Variants in RYR3 observed in about 807,000 individuals in gnomAD.
The protein encoded by RYR3 is ryanodine receptor 3.
RYR3 carries 207 observed loss-of-function variants against 584.3 expected under a neutral mutation model. The ratio of observed to expected loss-of-function variants is 0.35; its 90% CI spans 0.32 to 0.40. RYR3 has a LOEUF of 0.40. Among genes scored for constraint, RYR3 ranks in the 10% least tolerant of loss-of-function variants. The probability of loss-of-function intolerance (pLI) is 1.00; values close to 1 mark genes in which losing one functional copy is unlikely to be tolerated. For missense variants in RYR3, 5,616 were observed against 6,089.2 expected (o/e 0.92, Z 2.59); for synonymous variants, 2,416 against 2,248.5 (o/e 1.07, Z -2.11).
intron 2 of RYR3, among the ~76,000 whole-genome samples, chr15:33,475,328 C>CT (rs929381999): frequency 3.4e-4 from 52 of 152,276 alleles, no homozygotes; most frequent in African/African-American, 1.2e-3. Flanking sequence ...AGTTCCCAAC[C>CT]TTTTTGGCAC....
chr15:33,586,921 C>T (rs866416407), intron 16 of RYR3, among the ~76,000 whole-genome samples: 3 of 152,066 alleles, frequency 2.0e-5, no homozygotes, highest in South Asian at 4.1e-4. Flanking sequence ...AGGTGTATTT[C>T]AGAGCAGATG....
At chr15:33,468,451 A>G (rs1596275575) in intron 1 of RYR3, among the ~76,000 whole-genome samples, 2 of 152,278 alleles carry the variant, frequency 1.3e-5, no homozygotes, top group East Asian at 1.9e-4. Context: ...AATAGAAGCT[A>G]TGGACTCCAA....
intron 1 of RYR3, among the ~76,000 whole-genome samples, chr15:33,442,027 G>GTTA (rs1319096410): frequency 6.6e-6 from 1 of 152,172 alleles, no homozygotes; most frequent in African/African-American, 2.4e-5. Context: ...GCTCAGCTGG[G>GTTA]TTATAGTCCG....
At chr15:33,571,846 A>T (rs2058044717) in intron 12 of RYR3, among the ~76,000 whole-genome samples, 1 of 151,782 alleles carries the variant, frequency 6.6e-6, no homozygotes, top group South Asian at 2.1e-4. Context: ...TTTATTTCTT[A>T]TGTTTCTTTT....
intron 1 of RYR3, among the ~76,000 whole-genome samples, chr15:33,317,340 C>G (rs1968328002): frequency 6.6e-6 from 1 of 152,106 alleles, no homozygotes; most frequent in Admixed American, 6.6e-5. Flanking sequence ...TTGGCTGCAC[C>G]CGGATGAAGC....
intron 1 of RYR3, among the ~76,000 whole-genome samples, chr15:33,452,460 A>G (rs1334472375): frequency 6.6e-6 from 1 of 152,212 alleles, no homozygotes; most frequent in South Asian, 2.1e-4. Flanking sequence ...TAATATGTCT[A>G]TGAAAATCAG....
intron 1 of RYR3, among the ~76,000 whole-genome samples, chr15:33,353,294 C>G (rs1411447357): frequency 1.3e-5 from 2 of 152,126 alleles, no homozygotes; most frequent in Non-Finnish European, 2.9e-5. Context: ...GATTTGATAA[C>G]TTTTTTGCTT....
chr15:33,389,093 G>A (rs1238332717), intron 1 of RYR3, among the ~76,000 whole-genome samples: 1 of 111,196 alleles, frequency 9.0e-6, no homozygotes, highest in Non-Finnish European at 1.7e-5. Context: ...GGGGGGAGGG[G>A]GGAGGGATAG....
rs763716557 is a variant in RYR3 at position 33,821,482 on chromosome 15, T to A, written c.10916-41T>A. The A allele has an allele frequency of 1.9e-6, 3 of 1,609,564 alleles. No homozygotes were observed. In the East Asian group the frequency reaches 6.7e-5, roughly 36 times the overall value. On this transcript the variant is annotated intron_variant, in intron 79 of 103. Transcript: ENST00000634891. ...AAGGCCCAGGAGGCATGATTTACCA[T>A]CTGTTTCCTTGGTGATTCAATCGAA...
chr15:33,789,990 T>A (rs2075053452), intron 67 of RYR3, among the ~76,000 whole-genome samples: 1 of 89,726 alleles, frequency 1.1e-5, no homozygotes. Flanking sequence ...GGCCTTCTTT[T>A]TTTTTTTTTT....
intron 70 of RYR3, among the ~76,000 whole-genome samples, chr15:33,808,658 G>A (rs571501742): frequency 1.3e-5 from 2 of 152,042 alleles, no homozygotes; most frequent in Non-Finnish European, 2.9e-5. Flanking sequence ...GCCCTGAGTC[G>A]CAACCTTTAG....
At chr15:33,487,583 T>G (rs1362989213) in intron 2 of RYR3, among the ~76,000 whole-genome samples, 3 of 152,206 alleles carry the variant, frequency 2.0e-5, no homozygotes, top group African/African-American at 7.2e-5. Flanking sequence ...CAGAGTTCAC[T>G]AAGAATGTTC....
intron 8 of RYR3, among the ~76,000 whole-genome samples, chr15:33,547,232 A>C (rs1194424892): frequency 6.6e-6 from 1 of 152,236 alleles, no homozygotes; most frequent in Non-Finnish European, 1.5e-5. Context: ...GGTACTCCAC[A>C]AAACTGTCAA....
chr15:33,518,293 C>T (rs1162969514), intron 3 of RYR3, among the ~76,000 whole-genome samples: 1 of 152,196 alleles, frequency 6.6e-6, no homozygotes, highest in Admixed American at 6.5e-5. Context: ...CAAGTTGTCA[C>T]ATTACATTAA....
chr15:33,846,028 C>T (rs1238723985), intron 93 of RYR3, among the ~76,000 whole-genome samples: 1 of 152,192 alleles, frequency 6.6e-6, no homozygotes, highest in Middle Eastern at 3.2e-3. Flanking sequence ...TGCCTGGCAG[C>T]TCCACAGGGG....
chr15:33,639,447 G>A lies in RYR3; in HGVS notation c.3556+2897G>A, dbSNP rs79093057. ...CCCCAAGGCCTGGAATAACCACATA[G>A]CATCTCTCTTCTCTCTGTGTCAAGT... On this transcript the variant is annotated intron_variant, in intron 27 of 103. Transcript: ENST00000634891. Among the ~76,000 whole-genome samples, 576 of 152,300 alleles carry A rather than the reference G, an allele frequency of 3.8e-3. 5 individuals are homozygous for A. The highest frequency in any genetic ancestry group is 0.013 in the African/African-American group (554 of 41,554).
chr15:33,463,004 C>T (rs1315307849), intron 1 of RYR3, among the ~76,000 whole-genome samples: 1 of 151,898 alleles, frequency 6.6e-6, no homozygotes. Flanking sequence ...AACCCCGTCT[C>T]TACAAAAAAA....
At chr15:33,570,883 G>T (rs1232985727) in intron 12 of RYR3, among the ~76,000 whole-genome samples, 1 of 151,942 alleles carries the variant, frequency 6.6e-6, no homozygotes, top group Non-Finnish European at 1.5e-5. Flanking sequence ...CTGGTATATA[G>T]AAATTAAGTT....
chr15:33,543,603 G>T lies in RYR3; in HGVS notation c.647-19G>T, dbSNP rs2056006785. ...ATTAAACTTCCCATCATTCACAGTA[G>T]AATATAATTCTCTTACAGGATACCT... On this transcript the variant is annotated intron_variant, in intron 7 of 103. Coordinates refer to ENST00000634891, the MANE Select transcript of RYR3 (RefSeq NM_001036.6). 2.7e-6 allele frequency: 4 copies of T among 1,458,350 alleles called. No individual in the cohort carries two copies. Among genetic ancestry groups the T allele is most frequent in the Non-Finnish European group, 3.9e-6 (4 of 1,038,242 alleles). The allele number at this position is 1,458,350 out of a possible 1,614,324, so 90.3% of individuals were successfully genotyped here.
Sources: allele counts gnomAD v4.1 joint callset (sites outside exome capture counted in the v4.1 genomes callset), GRCh38; gene constraint gnomAD v4.1.1; transcripts MANE v1.5; gene names NCBI Gene and HGNC (gene_info 2026-07-23, HGNC 2026-07-21).